The following XKR4 variants were observed in gnomAD, a reference collection of about 807,000 sequenced individuals.
XKR4 encodes the protein XK related 4.
Under a neutral mutation model 53.9 loss-of-function variants are expected in XKR4, and 12 were observed. That is an observed-to-expected ratio of 0.22 (90% CI 0.14 to 0.36). The LOEUF is 0.36. Ranked by LOEUF, XKR4 falls within the 10% of genes least tolerant of loss-of-function variation. The pLI, the probability that XKR4 is intolerant of heterozygous loss-of-function variation, is 1.00. For missense variants in XKR4, 799 were observed against 859.5 expected (o/e 0.93, Z 0.88); for synonymous variants, 354 against 362.4 (o/e 0.98, Z 0.26).
chr8:55,360,598 T>C (rs1226415844), intron 2 of XKR4, among the ~76,000 whole-genome samples: 3 of 152,232 alleles, frequency 2.0e-5, no homozygotes, highest in Non-Finnish European at 4.4e-5. Flanking sequence ...TAGCTGTGAA[T>C]CAAAATATCT....
chr8:55,403,790 T>A (rs964269909), intron 2 of XKR4, among the ~76,000 whole-genome samples: 5 of 152,228 alleles, frequency 3.3e-5, no homozygotes, highest in African/African-American at 1.2e-4. Context: ...CCTCTCTCCC[T>A]CACTTATTCA....
At chr8:55,476,908 G>A (rs185562922) in intron 2 of XKR4, among the ~76,000 whole-genome samples, 1,599 of 152,232 alleles carry the variant, frequency 0.011, 34 homozygotes, top group African/African-American at 0.037. Context: ...CTCGAACTGG[G>A]TGGAGCCCAC....
At chr8:55,412,852 T>C (rs1315838263) in intron 2 of XKR4, among the ~76,000 whole-genome samples, 1 of 152,268 alleles carries the variant, frequency 6.6e-6, no homozygotes, top group East Asian at 1.9e-4. Flanking sequence ...TGATGAACAA[T>C]GGAGGGAGGA....
At chr8:55,395,460 G>A (rs1299667650) in intron 2 of XKR4, among the ~76,000 whole-genome samples, 1 of 152,126 alleles carries the variant, frequency 6.6e-6, no homozygotes, top group Non-Finnish European at 1.5e-5. Context: ...TGAGAGCACA[G>A]GATGTGTACC....
At chr8:55,199,590 T>C (rs1355911004) in intron 1 of XKR4, among the ~76,000 whole-genome samples, 1 of 152,168 alleles carries the variant, frequency 6.6e-6, no homozygotes, top group East Asian at 1.9e-4. Context: ...TGCGCAGAGT[T>C]TCAGAGTTCA....
chr8:55,427,295 C>T (rs998422713), intron 2 of XKR4, among the ~76,000 whole-genome samples: 14 of 152,180 alleles, frequency 9.2e-5, no homozygotes, highest in Non-Finnish European at 1.8e-4. Flanking sequence ...GATGTGTTAA[C>T]TCTAAAGTAT....
intron 1 of XKR4, among the ~76,000 whole-genome samples, chr8:55,279,853 G>A (rs1002083734): frequency 6.6e-6 from 1 of 152,154 alleles, no homozygotes; most frequent in African/African-American, 2.4e-5. Context: ...GAGTGCAATA[G>A]ATGTGAACAG....
chr8:55,522,679 C>T (rs1186902287), intron 2 of XKR4, among the ~76,000 whole-genome samples: 1 of 152,146 alleles, frequency 6.6e-6, no homozygotes, highest in Admixed American at 6.5e-5. Flanking sequence ...GACAATAGTC[C>T]AAGGTCATGA....
In XKR4 at chr8:55,102,433, A is replaced by G. The variant is rs1030659375; in HGVS notation, c.-56A>G. The stretch of plus-strand genomic sequence containing the variant: ...GAGGCGAGGAGGTGGCGGGAGGAGG[A>G]GACAGCGGGGAAAGGTGTCAGATAA... On this transcript the variant is annotated 5_prime_UTR_variant, in exon 1 of 3. Transcript: ENST00000327381. The surrounding 1 kb of genome is among the most constrained non-coding windows in gnomAD (Gnocchi z 5.1). The G allele has an allele frequency of 5.7e-5, 85 of 1,498,988 alleles. No homozygotes were observed. The highest frequency in any genetic ancestry group is 7.4e-5 in the Non-Finnish European group (83 of 1,116,232). The allele number at this position is 1,498,988 out of a possible 1,614,324, so 92.9% of individuals were successfully genotyped here.
At chr8:55,163,282 T>C (rs1817012867) in intron 1 of XKR4, among the ~76,000 whole-genome samples, 1 of 152,206 alleles carries the variant, frequency 6.6e-6, no homozygotes, top group Admixed American at 6.5e-5. Flanking sequence ...TAAGTGTGAG[T>C]GGCTTTCAGA....
chr8:55,261,745 A>C (rs1261394566), intron 1 of XKR4, among the ~76,000 whole-genome samples: 2 of 152,232 alleles, frequency 1.3e-5, no homozygotes, highest in Non-Finnish European at 2.9e-5. Context: ...ATATCACGTG[A>C]GTTCTCCATG....
intron 2 of XKR4, among the ~76,000 whole-genome samples, chr8:55,401,012 C>G (rs937880552): frequency 6.6e-6 from 1 of 152,210 alleles, no homozygotes; most frequent in Admixed American, 6.5e-5. Flanking sequence ...CTCATAGGTA[C>G]ATGCTGCTCA....
intron 1 of XKR4, among the ~76,000 whole-genome samples, chr8:55,269,084 C>T (rs1487264790): frequency 1.3e-5 from 2 of 152,066 alleles, no homozygotes; most frequent in Non-Finnish European, 2.9e-5. Flanking sequence ...GTGCGTGGTG[C>T]ACAGTAGGAT....
intron 1 of XKR4, among the ~76,000 whole-genome samples, chr8:55,355,623 A>G (rs530983931): frequency 6.6e-6 from 1 of 152,366 alleles, no homozygotes; most frequent in South Asian, 2.1e-4. Context: ...CTTCAAAGCA[A>G]AAAGATCAAG....
At chr8:55,343,414 T>C (rs1239159369) in intron 1 of XKR4, among the ~76,000 whole-genome samples, 2 of 152,226 alleles carry the variant, frequency 1.3e-5, no homozygotes, top group Admixed American at 6.5e-5. Context: ...GGCAGGCTGT[T>C]GGCACAGGGA....
intron 2 of XKR4, among the ~76,000 whole-genome samples, chr8:55,499,197 A>G (rs1033059785): frequency 6.6e-6 from 1 of 152,262 alleles, no homozygotes; most frequent in Non-Finnish European, 1.5e-5. Flanking sequence ...ATGTGAAAAT[A>G]TGAAACCCAC....
intron 2 of XKR4, among the ~76,000 whole-genome samples, chr8:55,425,008 A>T (rs1010951531): frequency 3.3e-5 from 5 of 152,220 alleles, no homozygotes; most frequent in Admixed American, 2.6e-4. Context: ...GAACATCTAA[A>T]TCTCTGCCTG....
At chr8:55,465,990 G>A (rs945868766) in intron 2 of XKR4, among the ~76,000 whole-genome samples, 2 of 152,044 alleles carry the variant, frequency 1.3e-5, no homozygotes, top group Non-Finnish European at 2.9e-5. Flanking sequence ...GGAAACAACA[G>A]GTGCTGGAGA....
At chr8:55,232,250 C>T (rs906577707) in intron 1 of XKR4, among the ~76,000 whole-genome samples, 7 of 152,276 alleles carry the variant, frequency 4.6e-5, no homozygotes, top group South Asian at 4.1e-4. Flanking sequence ...GGCAACTTGC[C>T]GGACATTAGT....
Sources: gnomAD v4.1 joint callset for allele counts (sites outside exome capture counted in the v4.1 genomes callset) on GRCh38, gnomAD v4.1.1 for gene constraint, Gnocchi (gnomAD v3.1) non-coding constraint, MANE v1.5 for transcripts, NCBI Gene and HGNC (gene_info 2026-07-23, HGNC 2026-07-21) for gene names.